FBXO31: variants seen among roughly 807,000 people sequenced by gnomAD.
The protein encoded by FBXO31 is F-box only protein 31.
In FBXO31, 24 loss-of-function variants were observed where a neutral mutation model predicts 54.4. The observed-to-expected ratio is 0.44, with a 90% CI of 0.32 to 0.62. The LOEUF (loss-of-function observed/expected upper bound fraction) is 0.62. FBXO31 is among the 20% of genes least tolerant of loss of function. FBXO31 has a pLI of 0.05. For missense variants in FBXO31, 665 were observed against 787.1 expected, an observed-to-expected ratio of 0.84 and a Z score of 1.86; for synonymous variants, 388 against 335.6, an observed-to-expected ratio of 1.16 and a Z score of -1.71.
At chr16:87,333,824 G>A in intron 8 of FBXO31, 62 bp downstream of exon 8, 3 of 1,523,426 alleles carry the variant, frequency 2.0e-6, no homozygotes, top group Non-Finnish European at 2.7e-6. Context: ...GTGTGGGGCT[G>A]GGGCCCTCGC....
At chr16:87,366,703 G>C (rs1057063067) in intron 1 of FBXO31, among the ~76,000 whole-genome samples, 1 of 152,192 alleles carries the variant, frequency 6.6e-6, no homozygotes, top group Middle Eastern at 3.2e-3. Context: ...ACTGATGAAA[G>C]AGCTCCAGCC....
At chr16:87,360,409 A>G (rs767980650) in intron 1 of FBXO31, 43 bp from the exon 2 acceptor site, 2 of 1,568,266 alleles carry the variant, frequency 1.3e-6, no homozygotes, top group Non-Finnish European at 1.8e-6. Flanking sequence ...TCAACAACTC[A>G]TAACGCGACA....
At chr16:87,387,348 C>G (rs1185414335), upstream of FBXO31, among the ~76,000 whole-genome samples, 1 of 152,130 alleles carries the variant, frequency 6.6e-6, no homozygotes, top group Non-Finnish European at 1.5e-5. Context: ...CGAGGAAGAA[C>G]TAGATAGAAG....
chr16:87,348,195 T>C (rs1184657565), intron 2 of FBXO31, among the ~76,000 whole-genome samples: 1 of 152,074 alleles, frequency 6.6e-6, no homozygotes, highest in African/African-American at 2.4e-5. Context: ...CCCTCAGCCA[T>C]GTGGCTGCCA....
chr16:87,353,298 A>G (rs1044842225), intron 2 of FBXO31, among the ~76,000 whole-genome samples: 5 of 152,200 alleles, frequency 3.3e-5, no homozygotes, highest in African/African-American at 1.2e-4. Context: ...TAGGTGGTCC[A>G]GGATGCCCCC....
At chr16:87,379,430 T>G (rs1333359561) in intron 1 of FBXO31, among the ~76,000 whole-genome samples, 1 of 152,226 alleles carries the variant, frequency 6.6e-6, no homozygotes, top group African/African-American at 2.4e-5. Context: ...TGTTTACTTA[T>G]GTTGACCAGG....
intron 2 of FBXO31, among the ~76,000 whole-genome samples, chr16:87,354,940 C>G (rs895394043): frequency 6.6e-6 from 1 of 152,224 alleles, no homozygotes; most frequent in Non-Finnish European, 1.5e-5. Context: ...GCACTCCAGC[C>G]TGGGTGACAC....
chr16:87,379,993 G>A (rs373066166), intron 1 of FBXO31, among the ~76,000 whole-genome samples: 4 of 140,882 alleles, frequency 2.8e-5, no homozygotes, highest in Non-Finnish European at 3.1e-5. Flanking sequence ...GCGAGACTCC[G>A]CTCCAAAAGA....
chr16:87,331,044 TC>T lies in FBXO31; in HGVS notation c.*243del. On this transcript the variant is annotated 3_prime_UTR_variant, in exon 9 of 9. Transcript: ENST00000311635. ...CGGCTGTCCCCTACATCTGCTGTAT[TC>T]AGGCTCGTTCTCTCTGTTTTTGGTA... is the stretch of plus-strand genomic sequence containing the variant. The T allele has an allele frequency of 2.0e-6, 1 of 493,238 alleles. No homozygotes were observed. Among genetic ancestry groups the T allele is most frequent in the Non-Finnish European group, 3.7e-6 (1 of 271,382 alleles). The allele number at this position is 493,238 out of a possible 1,614,324, so 30.6% of individuals were successfully genotyped here. A position where few individuals can be genotyped will look rare whatever the true frequency, so the allele number is the denominator to read the frequency against.
chr16:87,379,464 A>T (rs1265441794), intron 1 of FBXO31, among the ~76,000 whole-genome samples: 1 of 152,210 alleles, frequency 6.6e-6, no homozygotes, highest in Admixed American at 6.5e-5. Context: ...ACCTCAGCAC[A>T]TGATGTTCCC....
intron 1 of FBXO31, among the ~76,000 whole-genome samples, chr16:87,370,675 G>T (rs1906563803): frequency 6.6e-6 from 1 of 152,186 alleles, no homozygotes; most frequent in Non-Finnish European, 1.5e-5. Context: ...AGCCACTGCG[G>T]CCCCTGGGAC....
rs1045596954 is a variant in FBXO31, at chr16:87,329,526, C to T, written c.*1762G>A. 6.6e-6 allele frequency: 1 copy of T among 152,288 alleles called. No homozygotes were observed. The highest frequency in any genetic ancestry group is 1.5e-5 in the Non-Finnish European group (1 of 68,068). 9.4% of individuals were successfully genotyped at this position (152,288 alleles called of 1,614,324 possible). A position where few individuals can be genotyped will look rare whatever the true frequency, so the allele number is the denominator to read the frequency against. ...CCAGTCTACATGCCCAACAGTCCTCCAGGCTTCAAGGCCACAGTCACCGTC... is the reference window on the plus strand; with the variant it reads ...CCAGTCTACATGCCCAACAGTCCTCTAGGCTTCAAGGCCACAGTCACCGTC... On this transcript the variant is annotated 3_prime_UTR_variant, in exon 9 of 9. Transcript: ENST00000311635.
intron 1 of FBXO31, among the ~76,000 whole-genome samples, chr16:87,369,340 C>T (rs1358941853): frequency 6.6e-6 from 1 of 152,090 alleles, no homozygotes; most frequent in Non-Finnish European, 1.5e-5. Context: ...GCGGCAACTC[C>T]ACACTTCCCC....
Position 87,334,217 on chromosome 16 carries a change from C to G in FBXO31, c.1066G>C (p.Asp356His). 6.2e-7 allele frequency: 1 copy of G among 1,611,868 alleles called. No individual in the cohort carries two copies. Among genetic ancestry groups the G allele is most frequent in the Non-Finnish European group, 8.5e-7 (1 of 1,179,206 alleles). ...IDLRHRIQLP[D>H]LENQRNFNEL... is the part of the protein sequence containing the mutation. Reference sequence around the variant, plus strand: ...TTGAAGTTGCGCTGGTTCTCGAGGTCGGGCAGCTGGATCCGATGCCTCAGG... The same window carrying G: ...TTGAAGTTGCGCTGGTTCTCGAGGTGGGGCAGCTGGATCCGATGCCTCAGG... The change falls in exon 8 of 9, where the codon GAC (aspartate) becomes CAC (histidine). Residue 356 changes from aspartate (D) to histidine (H), a missense_variant. Physicochemically the swap from Asp to His is moderately conservative, Grantham distance 81. Transcript: ENST00000311635.
intron 7 of FBXO31, among the ~76,000 whole-genome samples, chr16:87,334,813 T>C (rs1353830833): frequency 3.3e-5 from 5 of 152,188 alleles, no homozygotes; most frequent in Non-Finnish European, 7.4e-5. Context: ...AGCCCTGGCA[T>C]GGGACAATGA....
rs112103300 is a variant in FBXO31, at chr16:87,376,366, A to G, written c.340+7039T>C. Among the ~76,000 whole-genome samples the G allele has an allele frequency of 7.9e-5, 12 of 151,172 alleles. 1 individual carries two copies. The highest frequency in any genetic ancestry group is 2.7e-4 in the African/African-American group (11 of 41,152). ...TCAGCTCACTGTAACCTCTGCCTCC[A>G]AGGTTCAAGCTATTCTCCTGCCTCA... On this transcript the variant is annotated intron_variant, in intron 1 of 8. Coordinates refer to ENST00000311635, the MANE Select transcript of FBXO31 (RefSeq NM_024735.5).
At chr16:87,341,422 G>A (rs1025326682) in intron 5 of FBXO31, among the ~76,000 whole-genome samples, 3 of 151,650 alleles carry the variant, frequency 2.0e-5, no homozygotes, top group East Asian at 2.0e-4. Flanking sequence ...TTGGGAGGCC[G>A]AGATGGGTGG....
chr16:87,342,811 G>A, intron 5 of FBXO31, 66 bp downstream of exon 5: 1 of 1,397,420 alleles, frequency 7.2e-7, no homozygotes, highest in Non-Finnish European at 9.8e-7. Context: ...GCATGGGTCT[G>A]TACTTTCCCC....
Position 87,343,423 on chromosome 16 carries a change from T to A in FBXO31, c.657+175A>T, listed in dbSNP as rs191222920. On this transcript the variant is annotated intron_variant, in intron 4 of 8. Coordinates refer to ENST00000311635, the MANE Select transcript of FBXO31 (RefSeq NM_024735.5). ...GGTCCAGCAAGTGACCGCTGCAGAGTCCACTGCGCCACGGAGGCGTAAACA... is the reference window on the plus strand; with the variant it reads ...GGTCCAGCAAGTGACCGCTGCAGAGACCACTGCGCCACGGAGGCGTAAACA... 3.3e-5 allele frequency among the ~76,000 whole-genome samples: 5 copies of A among 152,246 alleles called. No homozygotes were observed. In the East Asian group the frequency reaches 9.7e-4, roughly 29 times the overall value.
Sources: allele counts gnomAD v4.1 joint callset (sites outside exome capture counted in the v4.1 genomes callset), GRCh38; gene constraint gnomAD v4.1.1; transcripts MANE v1.5; gene names NCBI Gene and HGNC (gene_info 2026-07-23, HGNC 2026-07-21).